ENTREP2: variants seen among roughly 807,000 people sequenced by gnomAD.
The protein encoded by ENTREP2 is endosomal transmembrane epsin interactor 2.
At chr15:29,138,599 GTA>G in the ENTREP2 span, among the ~76,000 whole-genome samples, 2 of 96,428 alleles carry the variant, frequency 2.1e-5, no homozygotes, top group South Asian at 3.0e-4. Flanking sequence ...GTGTATATAT[GTA>G]TGTGTGTGTT....
chr15:29,362,666 C>T, the ENTREP2 span, among the ~76,000 whole-genome samples: 3 of 152,070 alleles, frequency 2.0e-5, no homozygotes, highest in Non-Finnish European at 2.9e-5. Flanking sequence ...TGAGCCACCG[C>T]GTCCGGCCCC....
the ENTREP2 span, among the ~76,000 whole-genome samples, chr15:29,669,491 C>A: frequency 1.3e-5 from 2 of 152,182 alleles, no homozygotes; most frequent in Admixed American, 1.3e-4. Context: ...ACTTCCCAGC[C>A]TCCAGAAGTG....
At chr15:29,526,230 T>C in the ENTREP2 span, among the ~76,000 whole-genome samples, 240 of 152,272 alleles carry the variant, frequency 1.6e-3, 6 homozygotes, top group East Asian at 0.032. Context: ...AACTCAATCA[T>C]CTGGTTAAAA....
chr15:29,203,821 C>G, the ENTREP2 span, among the ~76,000 whole-genome samples: 5 of 152,132 alleles, frequency 3.3e-5, no homozygotes, highest in Non-Finnish European at 7.3e-5. Context: ...TCCCACGTCT[C>G]AAAAACATTC....
the ENTREP2 span, among the ~76,000 whole-genome samples, chr15:29,431,473 A>G: frequency 6.6e-6 from 1 of 151,942 alleles, no homozygotes; most frequent in Admixed American, 6.5e-5. Flanking sequence ...TTAATTAAAA[A>G]TATAATTTTA....
chr15:29,215,385 T>C, the ENTREP2 span, among the ~76,000 whole-genome samples: 1 of 152,002 alleles, frequency 6.6e-6, no homozygotes, highest in South Asian at 2.1e-4. Flanking sequence ...CAGAAAAATG[T>C]GAAAAGGAGA....
At chr15:29,444,335 A>G in the ENTREP2 span, among the ~76,000 whole-genome samples, 8 of 152,224 alleles carry the variant, frequency 5.3e-5, no homozygotes, top group Non-Finnish European at 1.2e-4. Flanking sequence ...ATAAGCAAGC[A>G]TGTGAAATCA....
At chr15:29,471,002 A>T in the ENTREP2 span, among the ~76,000 whole-genome samples, 2 of 152,210 alleles carry the variant, frequency 1.3e-5, no homozygotes, top group African/African-American at 4.8e-5. Flanking sequence ...CTAAGTAAAC[A>T]GAGGTGGGGC....
chr15:29,318,153 T>G, the ENTREP2 span, among the ~76,000 whole-genome samples: 4 of 152,296 alleles, frequency 2.6e-5, no homozygotes, highest in African/African-American at 9.6e-5. Context: ...CTTCGTTGCA[T>G]TGCACTGCAC....
chr15:29,438,643 G>C, the ENTREP2 span, among the ~76,000 whole-genome samples: 14 of 151,996 alleles, frequency 9.2e-5, no homozygotes, highest in Admixed American at 9.2e-4. Flanking sequence ...CCTGTGGTTT[G>C]CACCTTTATG....
the ENTREP2 span, among the ~76,000 whole-genome samples, chr15:29,331,006 G>C: frequency 6.6e-6 from 1 of 152,200 alleles, no homozygotes; most frequent in East Asian, 1.9e-4. Flanking sequence ...AGAATCCCCA[G>C]GGCCAGGCTC....
chr15:29,309,301 C>T, the ENTREP2 span, among the ~76,000 whole-genome samples: 4 of 152,200 alleles, frequency 2.6e-5, no homozygotes, highest in Non-Finnish European at 5.9e-5. Context: ...CCAAGGCCCA[C>T]TCACATGTTG....
the ENTREP2 span, among the ~76,000 whole-genome samples, chr15:29,599,791 A>G: frequency 3.8e-4 from 58 of 152,328 alleles, no homozygotes; most frequent in Non-Finnish European, 7.2e-4. Context: ...CAAAAACTTC[A>G]TATTAAGCCA....
At chr15:29,370,829 G>A in the ENTREP2 span, among the ~76,000 whole-genome samples, 1 of 151,960 alleles carries the variant, frequency 6.6e-6, no homozygotes, top group African/African-American at 2.4e-5. Context: ...CCTCTTACTC[G>A]CTCCAAAAAA....
chr15:29,627,653 G>A, the ENTREP2 span, among the ~76,000 whole-genome samples: 6 of 151,002 alleles, frequency 4.0e-5, no homozygotes, highest in African/African-American at 1.2e-4. Context: ...CTTATTCCCC[G>A]TTTTGCTAGT....
chr15:29,570,232 G>A, the ENTREP2 span, among the ~76,000 whole-genome samples: 1 of 151,302 alleles, frequency 6.6e-6, no homozygotes, highest in Non-Finnish European at 1.5e-5. Context: ...GGGCTCGGAG[G>A]ACGGCGGGCG....
the ENTREP2 span, among the ~76,000 whole-genome samples, chr15:29,156,825 C>T: frequency 1.2e-4 from 18 of 152,246 alleles, no homozygotes; most frequent in African/African-American, 3.6e-4. Flanking sequence ...GCAGTCTTAA[C>T]GAACACCTCA....
the ENTREP2 span, among the ~76,000 whole-genome samples, chr15:29,337,931 T>C: frequency 6.6e-6 from 1 of 152,158 alleles, no homozygotes; most frequent in South Asian, 2.1e-4. Context: ...GTGTTGACTT[T>C]TATCAAATCA....
At chr15:29,234,464 C>T in the ENTREP2 span, 7 of 1,486,520 alleles carry the variant, frequency 4.7e-6, no homozygotes, top group East Asian at 1.1e-4. Context: ...AGCTCTTGTG[C>T]CCAGCATTCG....
Sources: allele counts gnomAD v4.1 joint callset (sites outside exome capture counted in the v4.1 genomes callset), GRCh38; gene constraint gnomAD v4.1.1; transcripts MANE v1.5; gene names NCBI Gene and HGNC (gene_info 2026-07-23, HGNC 2026-07-21).